The following TENM2 variants were observed in gnomAD, a reference collection of about 807,000 sequenced individuals.
TENM2 encodes the protein teneurin transmembrane protein 2, also known as teneurin-2.
Under a neutral mutation model 245.2 loss-of-function variants are expected in TENM2, and 52 were observed. The ratio of observed to expected loss-of-function variants is 0.21; its 90% CI spans 0.17 to 0.27. The LOEUF is 0.27. TENM2 is among the 10% of genes least tolerant of loss of function. The pLI is 1.00. For missense variants in TENM2, 3,046 were observed against 3,666.8 expected, an observed-to-expected ratio of 0.83 and a Z score of 4.37; for synonymous variants, 1,363 against 1,438.9, an observed-to-expected ratio of 0.95 and a Z score of 1.19.
At chr5:167,107,986 A>G in the TENM2 span, among the ~76,000 whole-genome samples, 2 of 152,080 alleles carry the variant, frequency 1.3e-5, no homozygotes, top group Non-Finnish European at 2.9e-5. Flanking sequence ...GCCAATGGAT[A>G]TTTGTTTCTG....
intron 10 of TENM2, among the ~76,000 whole-genome samples, chr5:168,119,011 C>T (rs1352292418): frequency 1.3e-5 from 2 of 152,176 alleles, no homozygotes; most frequent in African/African-American, 4.8e-5. Context: ...TCCTGGTAAT[C>T]TAAGGCCCGT....
At chr5:167,940,623 G>A (rs778846907) in intron 3 of TENM2, among the ~76,000 whole-genome samples, 27 of 152,128 alleles carry the variant, frequency 1.8e-4, no homozygotes, top group Non-Finnish European at 1.9e-4. Flanking sequence ...CTGCTTGGCC[G>A]GTTCCAAATC....
intron 2 of TENM2, among the ~76,000 whole-genome samples, chr5:167,776,278 T>C (rs1763767171): frequency 6.6e-6 from 1 of 151,630 alleles, no homozygotes; most frequent in South Asian, 2.1e-4. Context: ...ATTCAGACTA[T>C]ATATATCAAA....
At chr5:168,141,027 G>A (rs1435720070) in intron 12 of TENM2, among the ~76,000 whole-genome samples, 1 of 152,054 alleles carries the variant, frequency 6.6e-6, no homozygotes, top group Non-Finnish European at 1.5e-5. Context: ...GTATGACTGG[G>A]TTCAAGAGCT....
intron 3 of TENM2, among the ~76,000 whole-genome samples, chr5:167,922,340 A>G (rs183501725): frequency 2.7e-4 from 41 of 152,214 alleles, no homozygotes; most frequent in African/African-American, 9.4e-4. Context: ...CTTGAGCAAC[A>G]TCCTCCAAAT....
the TENM2 span, among the ~76,000 whole-genome samples, chr5:167,106,588 C>A: frequency 6.6e-6 from 1 of 152,150 alleles, no homozygotes; most frequent in African/African-American, 2.4e-5. Context: ...ATATTTGAAG[C>A]AGGTGACTGA....
intron 2 of TENM2, among the ~76,000 whole-genome samples, chr5:167,864,214 A>C (rs991561044): frequency 2.0e-5 from 3 of 152,206 alleles, no homozygotes; most frequent in Non-Finnish European, 4.4e-5. Flanking sequence ...ACAGATTTAC[A>C]GTTGAGAACT....
intron 2 of TENM2, among the ~76,000 whole-genome samples, chr5:167,577,391 CTT>C (rs1475535939): frequency 1.3e-5 from 2 of 152,106 alleles, no homozygotes; most frequent in Non-Finnish European, 2.9e-5. Context: ...TGAATCACCT[CTT>C]TGTCAGTTTT....
chr5:167,307,476 ACT>A (rs1031128310), intron 1 of TENM2, among the ~76,000 whole-genome samples: 10 of 151,720 alleles, frequency 6.6e-5, no homozygotes, highest in African/African-American at 2.2e-4. Context: ...GGGTATGGAA[ACT>A]CTCAAAAATG....
intron 3 of TENM2, among the ~76,000 whole-genome samples, chr5:167,923,687 C>A (rs924964509): frequency 2.0e-5 from 3 of 152,120 alleles, no homozygotes; most frequent in Admixed American, 2.0e-4. Context: ...GTTTTAACTT[C>A]CATTTTACAA....
exon 24 of TENM2, chr5:168,226,160 G>A: frequency 6.2e-7 from 1 of 1,613,664 alleles, no homozygotes; most frequent in South Asian, 1.1e-5. Context: ...ACCGGGAAAT[G>A]GAGAAATCTA....
At chr5:167,013,127 G>GT in the TENM2 span, among the ~76,000 whole-genome samples, 1 of 152,162 alleles carries the variant, frequency 6.6e-6, no homozygotes, top group Admixed American at 6.5e-5. Flanking sequence ...AGATATCATT[G>GT]TAACTATGTC....
intron 12 of TENM2, among the ~76,000 whole-genome samples, chr5:168,148,900 TAGA>T (rs1562217489): frequency 1.9e-4 from 26 of 135,734 alleles, no homozygotes; most frequent in South Asian, 2.3e-4. Context: ...GATAGATAGA[TAGA>T]TAGATAGATA....
intron 13 of TENM2, among the ~76,000 whole-genome samples, chr5:168,175,149 G>A (rs1355247569): frequency 3.9e-5 from 6 of 152,188 alleles, no homozygotes. Flanking sequence ...CTGTAAACTG[G>A]AAACAATGAT....
At chr5:167,468,190 A>C (rs995966740) in intron 2 of TENM2, among the ~76,000 whole-genome samples, 11 of 151,264 alleles carry the variant, frequency 7.3e-5, no homozygotes, top group South Asian at 6.3e-4. Context: ...ACCTTCCTCG[A>C]CCTCCCAGAG....
intron 3 of TENM2, among the ~76,000 whole-genome samples, chr5:167,878,487 C>A (rs757003287): frequency 2.6e-5 from 4 of 151,982 alleles, no homozygotes; most frequent in Non-Finnish European, 5.9e-5. Context: ...GTTAAAGCTC[C>A]GGTCAACAGG....
rs374585366 is a variant in TENM2 at position 167,342,688 on chromosome 5, T to C, written c.227-32510T>C. 2.6e-4 allele frequency among the ~76,000 whole-genome samples: 39 copies of C among 151,728 alleles called. No individual in the cohort carries two copies. The South Asian group carries it at 2.7e-3, about 11-fold the overall frequency. ...GACTACAGGCGCCCGCCACTGCGCCTGGCTAATTTTTTGTATTTTTAGTAG... is the reference window on the plus strand; with the variant it reads ...GACTACAGGCGCCCGCCACTGCGCCCGGCTAATTTTTTGTATTTTTAGTAG... On this transcript the variant is annotated intron_variant, in intron 1 of 28. Transcript: ENST00000518659.
chr5:167,596,519 C>T (rs945509194), intron 2 of TENM2, among the ~76,000 whole-genome samples: 10 of 152,196 alleles, frequency 6.6e-5, no homozygotes, highest in South Asian at 2.1e-4. Flanking sequence ...GCAGGCCGGG[C>T]GCGGTGGCTC....
chr5:167,388,457 G>A (rs1429577207), intron 2 of TENM2, among the ~76,000 whole-genome samples: 1 of 151,854 alleles, frequency 6.6e-6, no homozygotes, highest in African/African-American at 2.4e-5. Context: ...CAAAGAACCA[G>A]CTTTTGTTTC....
Sources: allele counts gnomAD v4.1 joint callset (sites outside exome capture counted in the v4.1 genomes callset), GRCh38; gene constraint gnomAD v4.1.1; transcripts MANE v1.5; gene names NCBI Gene and HGNC (gene_info 2026-07-23, HGNC 2026-07-21).